Variants in KALRN observed in about 807,000 individuals in gnomAD.
KALRN encodes kalirin RhoGEF kinase, also known as kalirin.
KALRN carries 70 observed loss-of-function variants against 353.7 expected under a neutral mutation model. The ratio of observed to expected loss-of-function variants is 0.20; its 90% CI spans 0.16 to 0.24. KALRN has a LOEUF of 0.24. Ranked by LOEUF, KALRN falls within the 10% of genes least tolerant of loss-of-function variation. The probability of loss-of-function intolerance (pLI) is 1.00; values close to 1 mark genes in which losing one functional copy is unlikely to be tolerated. For synonymous variants in KALRN, 1,391 were observed against 1,434.8 expected (o/e 0.97, Z 0.69); for missense variants, 2,791 against 3,756.7 (o/e 0.74, Z 6.72).
intron 18 of KALRN, among the ~76,000 whole-genome samples, chr3:124,440,142 T>C (rs1430440693): frequency 1.3e-5 from 2 of 152,166 alleles, no homozygotes; most frequent in East Asian, 3.8e-4. Context: ...CTCTTACTAG[T>C]AAGACTAAAT....
intron 53 of KALRN, among the ~76,000 whole-genome samples, 185 bp from the exon 54 acceptor site, chr3:124,695,948 AT>A (rs1291564138): frequency 2.0e-5 from 3 of 151,994 alleles, no homozygotes; most frequent in Non-Finnish European, 4.4e-5. Flanking sequence ...TGGCCAGAAA[AT>A]TTTTTTCCAT....
Position 124,456,631 on chromosome 3 carries a change from G to A in KALRN, c.3757G>A (p.Asp1253Asn), listed in dbSNP as rs2107591156. 1 of 1,612,690 alleles carries A rather than the reference G, an allele frequency of 6.2e-7. No individual in the cohort carries two copies. The highest frequency in any genetic ancestry group is 8.5e-7 in the Non-Finnish European group (1 of 1,179,080). The part of the protein sequence containing the change: ...NTEDNKDLEL[D>N]IIPASLSDRE... ...GCAGGATAATAAGGACCTGGAGCTG[G>A]ATATTATCCCAGCAAGCCTTTCGGA... The change falls in exon 23 of 60, where the codon GAT (aspartate) becomes AAT (asparagine). Residue 1253 changes from aspartate (D) to asparagine (N), a missense_variant. Physicochemically the swap from Asp to Asn is conservative, Grantham distance 23. Around this residue, in one of 11 missense-constraint regions of KALRN, gnomAD observed 268 missense variants for 347.0 expected, o/e 0.77. Coordinates refer to ENST00000682506, the MANE Select transcript of KALRN (RefSeq NM_001388419.1).
chr3:124,440,028 C>T (rs1173700058), intron 18 of KALRN, among the ~76,000 whole-genome samples: 1 of 152,044 alleles, frequency 6.6e-6, no homozygotes, highest in Admixed American at 6.6e-5. Context: ...TACTTGACTA[C>T]CACCTTGAGC....
intron 27 of KALRN, among the ~76,000 whole-genome samples, chr3:124,480,936 T>G (rs2061923332): frequency 1.3e-5 from 2 of 152,228 alleles, no homozygotes; most frequent in African/African-American, 4.8e-5. Flanking sequence ...ATTCTACATT[T>G]TGTTTTTCCA....
chr3:124,245,435 G>A (rs1034495021), intron 3 of KALRN, among the ~76,000 whole-genome samples: 3 of 152,196 alleles, frequency 2.0e-5, no homozygotes, highest in Non-Finnish European at 2.9e-5. Flanking sequence ...TGTGAATAGT[G>A]CTGCAGTAAA....
intron 34 of KALRN, among the ~76,000 whole-genome samples, chr3:124,626,474 T>G (rs1425841936): frequency 6.6e-6 from 1 of 152,262 alleles, no homozygotes; most frequent in East Asian, 1.9e-4. Context: ...ATTTTAAAAC[T>G]ATTTCATGAT....
intron 33 of KALRN, chr3:124,504,642 G>A (rs1007077918): frequency 9.5e-5 from 33 of 346,060 alleles, no homozygotes; most frequent in Non-Finnish European, 1.3e-4. Flanking sequence ...CCAAGTACTC[G>A]TGACTCACAT....
rs538757678 is a variant in KALRN at position 124,561,147 on chromosome 3, A to G, written c.4936-1696A>G. Reference sequence around the variant, plus strand: ...AAGGTATTTTGCTAACTGTAAAAGTACTCTAGAGATTTGAGGTGTTTCCAT... The same window carrying G: ...AAGGTATTTTGCTAACTGTAAAAGTGCTCTAGAGATTTGAGGTGTTTCCAT... On this transcript the variant is annotated intron_variant, in intron 33 of 59. Coordinates refer to ENST00000682506, the MANE Select transcript of KALRN (RefSeq NM_001388419.1). Among the ~76,000 whole-genome samples the G allele has an allele frequency of 6.9e-3, 1,044 of 152,278 alleles. 13 individuals carry two copies. Among genetic ancestry groups the G allele is most frequent in the Middle Eastern group, 0.027 (8 of 294 alleles).
At chr3:124,593,380 A>G (rs2075990207) in intron 34 of KALRN, among the ~76,000 whole-genome samples, 3 of 152,116 alleles carry the variant, frequency 2.0e-5, no homozygotes, top group African/African-American at 7.2e-5. Flanking sequence ...CCCAGGCACC[A>G]TTGACCACCC....
intron 1 of KALRN, among the ~76,000 whole-genome samples, chr3:124,155,622 CT>C (rs2068866616): frequency 6.6e-6 from 1 of 152,194 alleles, no homozygotes; most frequent in African/African-American, 2.4e-5. Context: ...AGAAACCATC[CT>C]CTCCATTAGA....
At chr3:124,462,431 T>C (rs2059941686) in intron 24 of KALRN, 93 bp from the exon 25 acceptor site, 2 of 712,678 alleles carry the variant, frequency 2.8e-6, no homozygotes, top group Middle Eastern at 2.4e-4. Flanking sequence ...ACAGTTTGAG[T>C]CTTGCCCCAC....
At chr3:124,222,251 C>T (rs2077997957) in intron 1 of KALRN, among the ~76,000 whole-genome samples, 1 of 152,202 alleles carries the variant, frequency 6.6e-6, no homozygotes, top group South Asian at 2.1e-4. Flanking sequence ...TTCATAAACA[C>T]TCCTGCCACC....
intron 9 of KALRN, among the ~76,000 whole-genome samples, chr3:124,335,145 G>C (rs1008144458): frequency 1.3e-5 from 2 of 152,120 alleles, no homozygotes; most frequent in East Asian, 3.9e-4. Flanking sequence ...TTGCTAGACA[G>C]CTTGGGGGTG....
chr3:124,492,957 T>A, intron 32 of KALRN, 75 bp downstream of exon 32: 1 of 1,546,070 alleles, frequency 6.5e-7, no homozygotes, highest in Non-Finnish European at 8.8e-7. Context: ...AATCTTTGCT[T>A]CTGAAGGGGG....
intron 3 of KALRN, among the ~76,000 whole-genome samples, chr3:124,260,046 C>T (rs984413782): frequency 1.3e-5 from 2 of 152,142 alleles, no homozygotes; most frequent in African/African-American, 4.8e-5. Context: ...ATCCACTGCT[C>T]CTGCCTTGCC....
At chr3:124,445,731 A>G (rs2093815914) in intron 19 of KALRN, among the ~76,000 whole-genome samples, 3 of 152,156 alleles carry the variant, frequency 2.0e-5, no homozygotes, top group South Asian at 2.1e-4. Context: ...TCATTCCACT[A>G]TAAATCTCCT....
chr3:124,706,519 A>G (rs1029623449), intron 57 of KALRN, among the ~76,000 whole-genome samples: 1 of 152,166 alleles, frequency 6.6e-6, no homozygotes, highest in Non-Finnish European at 1.5e-5. Context: ...TAGTAAAGTA[A>G]AAGGTGACAG....
chr3:124,134,734 T>C (rs1361825021), intron 1 of KALRN, among the ~76,000 whole-genome samples: 1 of 152,094 alleles, frequency 6.6e-6, no homozygotes, highest in African/African-American at 2.4e-5. Flanking sequence ...TAGACGATTC[T>C]CAAAAGAAGA....
intron 13 of KALRN, 120 bp from the exon 14 acceptor site, chr3:124,413,350 C>T (rs2092306019): frequency 5.0e-6 from 4 of 800,700 alleles, no homozygotes; most frequent in African/African-American, 1.7e-5. Context: ...TTGAAGAATT[C>T]CAAAGCAGAG....
Sources: gnomAD v4.1 joint callset for allele counts (sites outside exome capture counted in the v4.1 genomes callset) on GRCh38, gnomAD v4.1.1 for gene constraint, gnomAD v4.1.1 regional missense constraint, MANE v1.5 for transcripts, NCBI Gene and HGNC (gene_info 2026-07-23, HGNC 2026-07-21) for gene names.